The following RGS6 variants were observed in gnomAD, a reference collection of about 807,000 sequenced individuals.
RGS6 encodes the protein regulator of G protein signaling 6.
A neutral mutation model predicts 78.5 loss-of-function variants in RGS6; 30 were observed. That is an observed-to-expected ratio of 0.38 (90% confidence interval 0.29 to 0.52). The LOEUF (loss-of-function observed/expected upper bound fraction) is 0.52. RGS6 is among the 20% of genes least tolerant of loss of function. The pLI is 0.85. For synonymous variants in RGS6, 206 were observed against 206.0 expected, an observed-to-expected ratio of 1.00 and a Z score of 0.00; for missense variants, 495 against 609.7, an observed-to-expected ratio of 0.81 and a Z score of 1.98.
At chr14:71,921,559 G>A in the RGS6 span, among the ~76,000 whole-genome samples, 1 of 152,144 alleles carries the variant, frequency 6.6e-6, no homozygotes, top group East Asian at 1.9e-4. Context: ...AACACAATGT[G>A]GACAATGTGG....
At chr14:72,004,800 TG>T (rs1389840524) in intron 2 of RGS6, among the ~76,000 whole-genome samples, 2 of 152,136 alleles carry the variant, frequency 1.3e-5, no homozygotes, top group African/African-American at 2.4e-5. Flanking sequence ...CACTCCAGCC[TG>T]GGTGACAGAG....
At chr14:72,306,614 C>T (rs558199571) in intron 2 of RGS6, among the ~76,000 whole-genome samples, 1 of 152,144 alleles carries the variant, frequency 6.6e-6, no homozygotes, top group African/African-American at 2.4e-5. Flanking sequence ...TCATGGATGA[C>T]TTTGGAGGGG....
intron 6 of RGS6, among the ~76,000 whole-genome samples, chr14:72,463,320 T>A (rs1597873054): frequency 6.6e-6 from 1 of 152,230 alleles, no homozygotes; most frequent in Non-Finnish European, 1.5e-5. Context: ...CTAGAGTCGG[T>A]TGGAAGTTAG....
chr14:72,051,640 A>G (rs925607561), intron 2 of RGS6, among the ~76,000 whole-genome samples: 6 of 152,186 alleles, frequency 3.9e-5, no homozygotes, highest in Non-Finnish European at 8.8e-5. Flanking sequence ...TCCTAATCAT[A>G]GGTTTTAATC....
chr14:72,547,133 G>T, intron 17 of RGS6: 1 of 1,531,578 alleles, frequency 6.5e-7, no homozygotes. Context: ...CCACTCAGAA[G>T]ACAGGATGCC....
rs1356858714 is a variant in RGS6 at position 71,981,607 on chromosome 14, G to C, written c.84+16732G>C. Among the ~76,000 whole-genome samples, 5 of 151,984 alleles carry C rather than the reference G, an allele frequency of 3.3e-5. No homozygotes were observed. In the South Asian group the frequency reaches 8.4e-4, roughly 25 times the overall value. On this transcript the variant is annotated intron_variant, in intron 2 of 17. Transcript: ENST00000553525. ...CCCAGTTAGGCTGCTCGGGGGTCAG[G>C]GGTCAGGGACCTACTTGAGGAGGCA...
At chr14:72,541,855 A>G (rs1413824260) in intron 17 of RGS6, among the ~76,000 whole-genome samples, 2 of 152,242 alleles carry the variant, frequency 1.3e-5, no homozygotes, top group Non-Finnish European at 2.9e-5. Flanking sequence ...AGTGAGTATC[A>G]AGAAAGGCAA....
chr14:71,923,897 G>A, the RGS6 span, among the ~76,000 whole-genome samples: 1 of 152,186 alleles, frequency 6.6e-6, no homozygotes, highest in Non-Finnish European at 1.5e-5. Context: ...GGGAGATGGT[G>A]CAAGATGGGA....
At chr14:72,062,123 G>T (rs750937272) in intron 2 of RGS6, among the ~76,000 whole-genome samples, 1 of 152,198 alleles carries the variant, frequency 6.6e-6, no homozygotes, top group Non-Finnish European at 1.5e-5. Context: ...GTCAGGAAAG[G>T]CTGCTTTCAG....
intron 3 of RGS6, among the ~76,000 whole-genome samples, chr14:72,401,207 T>C (rs1246473196): frequency 2.0e-5 from 3 of 152,174 alleles, no homozygotes; most frequent in Non-Finnish European, 4.4e-5. Context: ...AATCAAGCCA[T>C]AATGTGTTTC....
intron 2 of RGS6, among the ~76,000 whole-genome samples, chr14:71,971,237 A>G (rs1233095579): frequency 6.6e-6 from 1 of 152,164 alleles, no homozygotes; most frequent in African/African-American, 2.4e-5. Flanking sequence ...TGAGGACTAC[A>G]TTTACAGGGC....
intron 2 of RGS6, among the ~76,000 whole-genome samples, chr14:72,161,885 C>G (rs372498575): frequency 6.6e-6 from 1 of 152,176 alleles, no homozygotes; most frequent in African/African-American, 2.4e-5. Flanking sequence ...TTGTTTTCTT[C>G]TTGTTCTTAA....
intron 2 of RGS6, among the ~76,000 whole-genome samples, chr14:72,126,135 T>C (rs2096185870): frequency 6.6e-6 from 1 of 152,192 alleles, no homozygotes; most frequent in Non-Finnish European, 1.5e-5. Flanking sequence ...CTTAGATACT[T>C]TGAGAAGTTT....
chr14:72,601,670 C>T, the RGS6 span, among the ~76,000 whole-genome samples: 1 of 152,218 alleles, frequency 6.6e-6, no homozygotes, highest in Non-Finnish European at 1.5e-5. Flanking sequence ...TTACACAACA[C>T]ATACAGGTAT....
At chr14:72,144,426 A>G (rs1450949910) in intron 2 of RGS6, among the ~76,000 whole-genome samples, 4 of 152,182 alleles carry the variant, frequency 2.6e-5, no homozygotes, top group Non-Finnish European at 4.4e-5. Context: ...CTTCTCTTTC[A>G]TGAGTTCATA....
intron 2 of RGS6, among the ~76,000 whole-genome samples, chr14:72,119,947 G>A (rs1249437443): frequency 1.3e-5 from 2 of 152,230 alleles, no homozygotes; most frequent in Non-Finnish European, 1.5e-5. Flanking sequence ...GAGGAGTGGA[G>A]TGTTGCCTAT....
At chr14:72,181,603 T>C (rs2097173928) in intron 2 of RGS6, among the ~76,000 whole-genome samples, 1 of 152,254 alleles carries the variant, frequency 6.6e-6, no homozygotes, top group African/African-American at 2.4e-5. Context: ...CATAATGTGC[T>C]ATATACTGAT....
chr14:72,621,738 A>G, the RGS6 span, among the ~76,000 whole-genome samples: 820 of 152,332 alleles, frequency 5.4e-3, 8 homozygotes, highest in African/African-American at 0.018. Context: ...CTGAATTACA[A>G]TTGCGGCATG....
chr14:71,888,294 G>C, the RGS6 span, among the ~76,000 whole-genome samples: 1 of 151,838 alleles, frequency 6.6e-6, no homozygotes, highest in Admixed American at 6.6e-5. Context: ...CAGGTGTGGT[G>C]GTGGGCACCT....
Sources: gnomAD v4.1 joint callset for allele counts (sites outside exome capture counted in the v4.1 genomes callset) on GRCh38, gnomAD v4.1.1 for gene constraint, MANE v1.5 for transcripts, NCBI Gene and HGNC (gene_info 2026-07-23, HGNC 2026-07-21) for gene names.